TFPI2: variants seen among roughly 807,000 people sequenced by gnomAD.
The protein encoded by TFPI2 is placental protein 5.
Under a neutral mutation model 23.1 loss-of-function variants are expected in TFPI2, and 23 were observed. The observed-to-expected ratio is 1.00, with a 90% CI of 0.72 to 1.41. TFPI2 has a LOEUF of 1.41. Ranked by LOEUF, TFPI2 falls within the 40% of genes most tolerant of loss-of-function variation. The pLI, the probability that TFPI2 is intolerant of heterozygous loss-of-function variation, is 0.00. For missense variants in TFPI2, 291 were observed against 299.6 expected, an observed-to-expected ratio of 0.97 and a Z score of 0.21; for synonymous variants, 119 against 111.7, an observed-to-expected ratio of 1.07 and a Z score of -0.41.
intron 3 of TFPI2, among the ~76,000 whole-genome samples, chr7:93,888,806 A>G (rs112078780): frequency 1.6e-3 from 238 of 152,240 alleles, no homozygotes; most frequent in African/African-American, 5.3e-3. Flanking sequence ...CAGCCTGGGC[A>G]ACAGGGCGAG....
In TFPI2 at chr7:93,887,305, T is replaced by C; in HGVS notation, c.587A>G (p.Asn196Ser). 6.2e-7 allele frequency: 1 copy of C among 1,613,224 alleles called. No individual in the cohort carries two copies. ...FTYTGCGGND[N>S]NFVSREDCKR... The stretch of plus-strand genomic sequence containing the variant: ...GCAATCCTCCCTGCTAACAAAGTTA[T>C]TGTCATTCCCTCCACAGCCAGTATA... Residue 196 changes from asparagine to serine, a missense_variant, in exon 4 of 5, where the codon AAT (asparagine) becomes AGT (serine). Coordinates refer to ENST00000222543, the MANE Select transcript of TFPI2 (RefSeq NM_006528.4).
At position 93,885,713 on chromosome 7, in the gene TFPI2, G is replaced by A. The variant is rs1243532640; in HGVS notation, c.*1107C>T. 1 of 151,990 alleles carries A rather than the reference G, an allele frequency of 6.6e-6. No individual in the cohort carries two copies. Among genetic ancestry groups the A allele is most frequent in the Non-Finnish European group, 1.5e-5 (1 of 67,928 alleles). The allele number at this position is 151,990 out of a possible 1,614,324, so 9.4% of individuals were successfully genotyped here. A position where few individuals can be genotyped will look rare whatever the true frequency, so the allele number is the denominator to read the frequency against. On this transcript the variant is annotated 3_prime_UTR_variant, in exon 5 of 5. Coordinates refer to ENST00000222543, the MANE Select transcript of TFPI2 (RefSeq NM_006528.4). ...TCTTCAACCAGTCCCTGACTGAAGA[G>A]TACCTGGTTTGCTTCTAGCTTTCAG...
chr7:93,886,804 G>T lies in TFPI2; in HGVS notation c.*16C>A. On this transcript the variant is annotated 3_prime_UTR_variant, in exon 5 of 5. Coordinates refer to ENST00000222543, the MANE Select transcript of TFPI2 (RefSeq NM_006528.4). ...AATAAGCCATAAAGACAAACAAGAT[G>T]ACATATTAAGAATGTTTAAAATTGC... The T allele has an allele frequency of 6.6e-7, 1 of 1,507,292 alleles. No homozygotes were observed. The highest frequency in any genetic ancestry group is 8.9e-7 in the Non-Finnish European group (1 of 1,125,768). The allele number at this position is 1,507,292 out of a possible 1,614,324, so 93.4% of individuals were successfully genotyped here.
chr7:93,889,319 A>G, intron 2 of TFPI2, 96 bp from the exon 3 acceptor site: 1 of 1,140,520 alleles, frequency 8.8e-7, no homozygotes, highest in Non-Finnish European at 1.2e-6. Context: ...GGGGGAGAGA[A>G]GTTGTATTAG....
At chr7:93,889,679 AAAAGT>A (rs1200267991) in intron 2 of TFPI2, among the ~76,000 whole-genome samples, 5 of 152,216 alleles carry the variant, frequency 3.3e-5, no homozygotes, top group Non-Finnish European at 7.3e-5. Context: ...GTATCGGGAC[AAAAGT>A]AGAGTTATAT....
At chr7:93,887,453 AT>A in intron 3 of TFPI2, 22 bp from the exon 4 acceptor site, 2 of 1,591,032 alleles carry the variant, frequency 1.3e-6, no homozygotes, top group Non-Finnish European at 1.7e-6. Context: ...AGAGAAGAAA[AT>A]TAGAAATGTT....
At chr7:93,888,610 A>AGG (rs1794058476) in intron 3 of TFPI2, among the ~76,000 whole-genome samples, 1 of 151,124 alleles carries the variant, frequency 6.6e-6, no homozygotes, top group African/African-American at 2.4e-5. Flanking sequence ...AAAGAAAGAG[A>AGG]AAAAGAAAGG....
At chr7:93,887,142 G>T in intron 4 of TFPI2, 119 bp downstream of exon 4, 1 of 1,018,140 alleles carries the variant, frequency 9.8e-7, no homozygotes, top group African/African-American at 1.6e-5. Flanking sequence ...AGATACTTAT[G>T]TAGAAGTAGT....
chr7:93,890,573 C>G lies in TFPI2; in HGVS notation c.88+18G>C, dbSNP rs1255485073. On this transcript the variant is annotated intron_variant, in intron 1 of 4. Coordinates refer to ENST00000222543, the MANE Select transcript of TFPI2 (RefSeq NM_006528.4). The stretch of plus-strand genomic sequence containing the variant: ...TCTCCGCCGGTTGGGGAGAGAAGCT[C>G]CTGGAGCGGCCAGATACCTGTTGGC... 5.0e-6 allele frequency: 8 copies of G among 1,612,030 alleles called. No homozygotes were observed. The East Asian group carries it at 1.8e-4, about 36-fold the overall frequency.
At position 93,890,685 on chromosome 7, in the gene TFPI2, G is replaced by A; in HGVS notation, c.-7C>T. 1 of 1,607,116 alleles carries A rather than the reference G, an allele frequency of 6.2e-7. No homozygotes were observed. The highest frequency in any genetic ancestry group is 8.5e-7 in the Non-Finnish European group (1 of 1,177,712). On this transcript the variant is annotated 5_prime_UTR_variant, in exon 1 of 5. Coordinates refer to ENST00000222543, the MANE Select transcript of TFPI2 (RefSeq NM_006528.4). ...GGGGGCGAGCGGGGTCCATGGTGCA[G>A]GGGGTCGGGCGGCCCGCTGGGCAAG...
chr7:93,885,591 G>A lies in TFPI2; in HGVS notation c.*1229C>T, dbSNP rs144034912. 6.6e-6 allele frequency: 1 copy of A among 152,026 alleles called. No homozygotes were observed. Among genetic ancestry groups the A allele is most frequent in the East Asian group, 1.9e-4 (1 of 5,180 alleles). 9.4% of individuals were successfully genotyped at this position (152,026 alleles called of 1,614,324 possible). On this transcript the variant is annotated 3_prime_UTR_variant, in exon 5 of 5. Transcript: ENST00000222543. ...TTCTGTGATGTTTGTGTATATGTGT[G>A]TTTATTCATACTGTTCTAGGCCCTG...
chr7:93,890,460 C>T, intron 1 of TFPI2, 131 bp downstream of exon 1: 6 of 1,403,726 alleles, frequency 4.3e-6, no homozygotes, highest in Non-Finnish European at 5.7e-6. Context: ...GGGAGCGAGT[C>T]CCCCCTGCCA....
At position 93,887,428 on chromosome 7, in the gene TFPI2, G is replaced by A; in HGVS notation, c.464C>T (p.Pro155Leu). Residue 155 changes from proline (P) to leucine (L), a missense_variant, in exon 4 of 5, where the codon CCA becomes CTA. Transcript: ENST00000222543. ...CMGFCAPKKI[P>L]SFCYSPKDEG... ...ATCTTTTGGACTGTAGCAAAATGAT[G>A]GAACTTTATAAAAAAGAGAAGAAAA... 6.2e-7 allele frequency: 1 copy of A among 1,602,296 alleles called. No individual in the cohort carries two copies.
At chr7:93,890,401 T>C (rs73412344) in intron 1 of TFPI2, 82 bp from the exon 2 acceptor site, 52,270 of 1,496,548 alleles carry the variant, frequency 0.035, 2,273 homozygotes, top group East Asian at 0.2. Flanking sequence ...TCCCGGGGAG[T>C]TCTGTCCCCT....
In TFPI2 at chr7:93,890,159, G is replaced by C; in HGVS notation, c.249C>G (p.Asp83Glu). The C allele has an allele frequency of 6.2e-7, 1 of 1,608,988 alleles. No individual in the cohort carries two copies. Among genetic ancestry groups the C allele is most frequent in the Non-Finnish European group, 8.5e-7 (1 of 1,176,124 alleles). The change falls in exon 2 of 5, where the codon GAC (aspartate) becomes GAG (glutamate). Residue 83 changes from aspartate to glutamate, a missense_variant. Transcript: ENST00000222543. The stretch of plus-strand genomic sequence containing the variant: ...TACTTTCTATCCTCCAGCAAGCATC[G>C]TCGCAAGCCTCCCAGGTGTAGAAAT... The part of the protein sequence containing the change: ...ANNFYTWEAC[D>E]DACWRIEKVP...
At position 93,890,425 on chromosome 7, in the gene TFPI2, G is replaced by A. The variant is rs537324109; in HGVS notation, c.89-106C>T. The A allele has an allele frequency of 6.6e-5, 96 of 1,447,518 alleles. No individual in the cohort carries two copies. In the South Asian group the frequency reaches 1.1e-3, roughly 17 times the overall value. 89.7% of individuals were successfully genotyped at this position (1,447,518 alleles called of 1,614,324 possible). On this transcript the variant is annotated intron_variant, in intron 1 of 4. Transcript: ENST00000222543. ...GTTCTGTCCCCTTCCGAGCGGAGGGGCCTCTGCAGAGAAAGTGCAAACTTG... is the reference window on the plus strand; with the variant it reads ...GTTCTGTCCCCTTCCGAGCGGAGGGACCTCTGCAGAGAAAGTGCAAACTTG...
chr7:93,888,544 A>AGAAGGAAGGAAGGAAG (rs56960901), intron 3 of TFPI2, among the ~76,000 whole-genome samples: 2,016 of 105,296 alleles, frequency 0.019, 41 homozygotes, highest in Middle Eastern at 0.034. Flanking sequence ...AAGGAAGGAA[A>AGAAGGAAGGAAGGAAG]GAAGGAAGGA....
intron 4 of TFPI2, 68 bp from the exon 5 acceptor site, chr7:93,886,964 T>C: frequency 8.4e-7 from 1 of 1,188,102 alleles, no homozygotes; most frequent in South Asian, 1.6e-5. Context: ...AAATCACTAT[T>C]TCTGATAAGG....
chr7:93,888,603 G>GAA (rs1292655757), intron 3 of TFPI2, among the ~76,000 whole-genome samples: 2 of 130,854 alleles, frequency 1.5e-5, no homozygotes, highest in African/African-American at 6.5e-5. Flanking sequence ...AAGAAAGAAA[G>GAA]AAAGAGAAAA....
Sources: allele counts gnomAD v4.1 joint callset (sites outside exome capture counted in the v4.1 genomes callset), GRCh38; gene constraint gnomAD v4.1.1; transcripts MANE v1.5; gene names NCBI Gene and HGNC (gene_info 2026-07-23, HGNC 2026-07-21).